The following MRAP2 variants were observed in gnomAD, a reference collection of about 807,000 sequenced individuals.
MRAP2 encodes the protein melanocortin-2 receptor accessory protein 2.
A neutral mutation model predicts 17.4 loss-of-function variants in MRAP2; 20 were observed. The observed-to-expected ratio is 1.15, with a 90% CI of 0.81 to 1.67. MRAP2 has a LOEUF of 1.67. Ranked by LOEUF, MRAP2 falls within the 40% of genes most tolerant of loss-of-function variation. The probability of loss-of-function intolerance (pLI) is 0.00; values close to 1 mark genes in which losing one functional copy is unlikely to be tolerated. For missense variants in MRAP2, 238 were observed against 240.0 expected, an observed-to-expected ratio of 0.99 and a Z score of 0.05; for synonymous variants, 96 against 88.4, an observed-to-expected ratio of 1.09 and a Z score of -0.48.
chr6:84,037,706 T>C (rs1252245657), intron 1 of MRAP2, among the ~76,000 whole-genome samples: 1 of 152,038 alleles, frequency 6.6e-6, no homozygotes, highest in Non-Finnish European at 1.5e-5. Flanking sequence ...TGGCGCCCCC[T>C]CTGCAGCTGC....
the MRAP2 span, among the ~76,000 whole-genome samples, chr6:84,138,104 C>T: frequency 6.6e-6 from 1 of 152,114 alleles, no homozygotes. Flanking sequence ...GTTAAAAACA[C>T]ATAAGCAATC....
the MRAP2 span, among the ~76,000 whole-genome samples, chr6:84,142,105 G>GT: frequency 5.3e-5 from 8 of 151,914 alleles, no homozygotes; most frequent in African/African-American, 1.5e-4. Context: ...GTTTGTTTTT[G>GT]TTTTTTTAAA....
Position 84,060,852 on chromosome 6 carries a change from ATT to A in MRAP2, c.128-2022_128-2021del, listed in dbSNP as rs771171189. 6.6e-3 allele frequency among the ~76,000 whole-genome samples: 788 copies of A among 119,472 alleles called. 6 individuals are homozygous for A. Among genetic ancestry groups the A allele is most frequent in the African/African-American group, 0.021 (565 of 26,672 alleles). 78.4% of individuals were successfully genotyped at this position (119,472 alleles called of 152,430 possible). On this transcript the variant is annotated intron_variant, in intron 2 of 3. Transcript: ENST00000257776. Reference sequence around the variant, plus strand: ...AGGCGCCTGCCACCACACCCGGCTAATTTTTTTTTTTTTTTTTTTTGTATTTT... The same window carrying A: ...AGGCGCCTGCCACCACACCCGGCTAATTTTTTTTTTTTTTTTTTGTATTTT...
chr6:84,134,298 G>C, the MRAP2 span, among the ~76,000 whole-genome samples: 210 of 152,318 alleles, frequency 1.4e-3, 1 homozygote, highest in African/African-American at 4.3e-3. Flanking sequence ...TGGGCTCTGT[G>C]GGGGTGGGAA....
chr6:84,089,112 G>A lies in MRAP2; in HGVS notation c.249G>A (p.Lys83=). The change falls in exon 4 of 4, where the codon AAG becomes AAA. Residue 83 remains lysine, a synonymous_variant. Transcript: ENST00000257776. ...PHQDNAESSE[K]RFRMNSFVSD... ...ATAGCAATGCAGAGTCCTCAGAGAA[G>A]AGATTCAGAATGAACAGCTTTGTGT... 6.2e-7 allele frequency: 1 copy of A among 1,613,300 alleles called. No individual in the cohort carries two copies. Among genetic ancestry groups the A allele is most frequent in the East Asian group, 2.2e-5 (1 of 44,872 alleles).
At chr6:84,055,287 C>A in intron 1 of MRAP2, 25 bp from the exon 2 acceptor site, 1 of 1,597,640 alleles carries the variant, frequency 6.3e-7, no homozygotes, top group East Asian at 2.2e-5. Flanking sequence ...ACAGGTTCTG[C>A]GCTTGACTTT....
At chr6:84,115,406 A>G in the MRAP2 span, among the ~76,000 whole-genome samples, 4 of 152,150 alleles carry the variant, frequency 2.6e-5, no homozygotes, top group African/African-American at 9.7e-5. Flanking sequence ...GGTCTCAGCA[A>G]TGGTGGACGC....
the MRAP2 span, among the ~76,000 whole-genome samples, chr6:84,121,506 G>A: frequency 2.0e-5 from 3 of 152,196 alleles, no homozygotes; most frequent in Non-Finnish European, 4.4e-5. Flanking sequence ...TTAGCTGGGT[G>A]TGATGGCGTG....
intron 1 of MRAP2, among the ~76,000 whole-genome samples, chr6:84,048,236 G>A (rs1311398490): frequency 6.6e-6 from 1 of 152,036 alleles, no homozygotes; most frequent in Non-Finnish European, 1.5e-5. Context: ...CTTCCTACCA[G>A]CAGTGCACAA....
chr6:84,055,603 C>T (rs1371734845), intron 2 of MRAP2, among the ~76,000 whole-genome samples, 158 bp downstream of exon 2: 1 of 152,150 alleles, frequency 6.6e-6, no homozygotes, highest in Non-Finnish European at 1.5e-5. Context: ...CACACATAGG[C>T]TGATTGCTCA....
the MRAP2 span, among the ~76,000 whole-genome samples, chr6:84,111,388 A>C: frequency 6.7e-6 from 1 of 149,464 alleles, no homozygotes; most frequent in African/African-American, 2.6e-5. Context: ...GAGTTCACTC[A>C]TGATTTGGCT....
At chr6:84,125,210 G>A in the MRAP2 span, 1 of 1,613,624 alleles carries the variant, frequency 6.2e-7, no homozygotes, top group Non-Finnish European at 8.5e-7. Flanking sequence ...AACTGTGCCA[G>A]TCTTTTCCAT....
At chr6:84,054,371 C>T (rs1048878459) in intron 1 of MRAP2, among the ~76,000 whole-genome samples, 1 of 152,146 alleles carries the variant, frequency 6.6e-6, no homozygotes, top group African/African-American at 2.4e-5. Context: ...ACCATCTTCT[C>T]CCAAAGAAGT....
intron 1 of MRAP2, among the ~76,000 whole-genome samples, chr6:84,047,458 C>T (rs2099489332): frequency 6.6e-6 from 1 of 151,068 alleles, no homozygotes; most frequent in African/African-American, 2.4e-5. Flanking sequence ...TCCCAAAGTA[C>T]TGGGATTACA....
rs1588638336 is a variant in MRAP2, at chr6:84,061,475, A to G, written c.128-1418A>G. Reference sequence around the variant, plus strand: ...AATTGTGATTGTTATCCAAGATAGGACCAAGGAGAGCCCTGTTTAGGGAAT... The same window carrying G: ...AATTGTGATTGTTATCCAAGATAGGGCCAAGGAGAGCCCTGTTTAGGGAAT... On this transcript the variant is annotated intron_variant, in intron 2 of 3. Transcript: ENST00000257776. Among the ~76,000 whole-genome samples the G allele has an allele frequency of 2.0e-5, 3 of 152,348 alleles. No individual in the cohort carries two copies. The South Asian group carries it at 6.2e-4, about 32-fold the overall frequency.
chr6:84,052,269 G>GC (rs535110693), intron 1 of MRAP2, among the ~76,000 whole-genome samples: 40 of 152,282 alleles, frequency 2.6e-4, no homozygotes, highest in African/African-American at 9.6e-4. Flanking sequence ...TCAAGAGAGA[G>GC]CAGCTGCCGG....
At chr6:84,049,918 G>A (rs945942425) in intron 1 of MRAP2, among the ~76,000 whole-genome samples, 2 of 152,088 alleles carry the variant, frequency 1.3e-5, no homozygotes, top group Admixed American at 1.3e-4. Flanking sequence ...ATAAAACTTG[G>A]CAGTGTAGAA....
At chr6:84,120,757 G>C in the MRAP2 span, among the ~76,000 whole-genome samples, 3 of 152,076 alleles carry the variant, frequency 2.0e-5, no homozygotes, top group African/African-American at 7.2e-5. Flanking sequence ...ACAAAAGAAA[G>C]GATGGGTGCA....
At chr6:84,074,747 T>A (rs2099497152) in intron 3 of MRAP2, among the ~76,000 whole-genome samples, 1 of 152,192 alleles carries the variant, frequency 6.6e-6, no homozygotes, top group Non-Finnish European at 1.5e-5. Context: ...CAGGAACCAA[T>A]CACAGTTTAC....
Sources: gnomAD v4.1 joint callset for allele counts (sites outside exome capture counted in the v4.1 genomes callset) on GRCh38, gnomAD v4.1.1 for gene constraint, MANE v1.5 for transcripts, NCBI Gene and HGNC (gene_info 2026-07-23, HGNC 2026-07-21) for gene names.